CNTNAP2: variants seen among roughly 807,000 people sequenced by gnomAD.
CNTNAP2 encodes contactin associated protein 2, also known as contactin-associated protein-like 2.
In CNTNAP2, 98 loss-of-function variants were observed where a neutral mutation model predicts 155.2. The ratio of observed to expected loss-of-function variants is 0.63; its 90% CI spans 0.54 to 0.75. The LOEUF is 0.75. CNTNAP2 is among the 30% of genes least tolerant of loss of function. The pLI is 0.00. For missense variants in CNTNAP2, 1,727 were observed against 1,688.1 expected, an observed-to-expected ratio of 1.02 and a Z score of -0.40; for synonymous variants, 651 against 631.2, an observed-to-expected ratio of 1.03 and a Z score of -0.47.
intron 11 of CNTNAP2, among the ~76,000 whole-genome samples, chr7:147,487,220 C>G (rs569811112): frequency 6.6e-5 from 10 of 152,034 alleles, no homozygotes; most frequent in African/African-American, 2.4e-4. Context: ...TATTCAAAAA[C>G]AAGAGGCAAA....
Position 148,118,127 on chromosome 7 carries a change from G to A in CNTNAP2, c.2393G>A (p.Trp798Ter). The change falls in exon 16 of 24, where the codon TGG (tryptophan) becomes TAG (stop). Residue 798 changes from tryptophan (W) to a stop codon, truncating the protein, a stop_gained. Coordinates refer to ENST00000361727, the MANE Select transcript of CNTNAP2 (RefSeq NM_014141.6). LOFTEE classifies it high-confidence loss of function. ...PLRCQGDRNY[W>*]NAASFPNPSS... ...TGTTTTCTTCCCACAGGGAATTATT[G>A]GAATGCCGCCTCTTTCCCAAACCCA... 1 of 1,613,994 alleles carries A rather than the reference G, an allele frequency of 6.2e-7. No individual in the cohort carries two copies. The highest frequency in any genetic ancestry group is 8.5e-7 in the Non-Finnish European group (1 of 1,179,968).
At chr7:146,696,919 G>T (rs1159849959) in intron 1 of CNTNAP2, among the ~76,000 whole-genome samples, 2 of 152,068 alleles carry the variant, frequency 1.3e-5, no homozygotes, top group African/African-American at 2.4e-5. Context: ...GCTGTGTTTT[G>T]TGACCTAGAA....
intron 1 of CNTNAP2, among the ~76,000 whole-genome samples, chr7:146,395,038 T>C (rs1795599843): frequency 6.6e-6 from 1 of 151,984 alleles, no homozygotes; most frequent in South Asian, 2.1e-4. Flanking sequence ...TGATCTCCAG[T>C]TCCATCTGTG....
chr7:147,797,929 C>T (rs1194514037), intron 13 of CNTNAP2, among the ~76,000 whole-genome samples: 1 of 152,146 alleles, frequency 6.6e-6, no homozygotes, highest in Non-Finnish European at 1.5e-5. Flanking sequence ...TTTAAATCTT[C>T]AGTATCAATA....
At chr7:146,482,471 A>T (rs1208517110) in intron 1 of CNTNAP2, among the ~76,000 whole-genome samples, 1 of 151,916 alleles carries the variant, frequency 6.6e-6, no homozygotes, top group African/African-American at 2.4e-5. Flanking sequence ...TAGGTTGGTC[A>T]CAGTGGCTCA....
At chr7:147,529,957 A>G (rs1427487393) in intron 11 of CNTNAP2, among the ~76,000 whole-genome samples, 2 of 152,188 alleles carry the variant, frequency 1.3e-5, no homozygotes, top group Non-Finnish European at 2.9e-5. Flanking sequence ...ATTAGTGTTT[A>G]TTTATTCAAG....
intron 13 of CNTNAP2, among the ~76,000 whole-genome samples, chr7:147,852,162 A>G (rs1167842369): frequency 2.0e-5 from 3 of 152,206 alleles, no homozygotes; most frequent in African/African-American, 7.2e-5. Context: ...CGAACACTTT[A>G]CAACATGAAT....
At chr7:148,152,934 T>A (rs1029592817) in intron 17 of CNTNAP2, among the ~76,000 whole-genome samples, 3 of 135,782 alleles carry the variant, frequency 2.2e-5, no homozygotes, top group Non-Finnish European at 4.6e-5. Flanking sequence ...GGCAGAAGAA[T>A]GGCATGAACC....
intron 18 of CNTNAP2, among the ~76,000 whole-genome samples, chr7:148,193,644 A>C (rs1392014919): frequency 2.0e-5 from 3 of 151,876 alleles, no homozygotes; most frequent in Non-Finnish European, 2.9e-5. Context: ...CTCCTCCTCT[A>C]TGGTGCTTTC....
chr7:148,341,617 G>A (rs990939477), intron 21 of CNTNAP2, among the ~76,000 whole-genome samples: 2 of 152,150 alleles, frequency 1.3e-5, no homozygotes, highest in African/African-American at 4.8e-5. Context: ...GCAGAAGCCA[G>A]GTTGGTCTGA....
At chr7:147,411,874 C>T (rs770690934) in intron 10 of CNTNAP2, among the ~76,000 whole-genome samples, 57 of 152,172 alleles carry the variant, frequency 3.7e-4, no homozygotes, top group Non-Finnish European at 6.6e-4. Flanking sequence ...ACTCTCTGCC[C>T]AGTTGATGTT....
intron 13 of CNTNAP2, among the ~76,000 whole-genome samples, chr7:147,854,472 C>T (rs1799002597): frequency 6.6e-6 from 1 of 152,040 alleles, no homozygotes; most frequent in Admixed American, 6.6e-5. Context: ...CCCTTCAAAC[C>T]CTACTTTTTG....
intron 9 of CNTNAP2, among the ~76,000 whole-genome samples, chr7:147,305,076 G>A: frequency 6.6e-6 from 1 of 152,102 alleles, no homozygotes; most frequent in Admixed American, 6.5e-5. Flanking sequence ...GCCCCCAAAG[G>A]CCCCACTCCT....
At chr7:147,701,443 T>A (rs1034974066) in intron 13 of CNTNAP2, among the ~76,000 whole-genome samples, 5 of 152,156 alleles carry the variant, frequency 3.3e-5, no homozygotes, top group African/African-American at 1.2e-4. Context: ...TAAAAATAAG[T>A]CAACTGCTAA....
chr7:148,094,736 C>G (rs531785399), intron 15 of CNTNAP2, among the ~76,000 whole-genome samples: 9 of 152,282 alleles, frequency 5.9e-5, no homozygotes, highest in African/African-American at 1.4e-4. Context: ...ACAAGAGAAG[C>G]CACTCTTGGC....
intron 10 of CNTNAP2, among the ~76,000 whole-genome samples, chr7:147,483,370 G>T (rs1432689265): frequency 6.6e-6 from 1 of 152,002 alleles, no homozygotes; most frequent in Non-Finnish European, 1.5e-5. Context: ...GGTGGGTGGG[G>T]ATTGGTGTGG....
intron 8 of CNTNAP2, among the ~76,000 whole-genome samples, chr7:147,148,126 C>G (rs1263199318): frequency 6.6e-6 from 1 of 151,856 alleles, no homozygotes; most frequent in African/African-American, 2.4e-5. Context: ...CGCGGTGGCT[C>G]ACGCCTGTAA....
At chr7:147,137,913 ATAGG>A (rs75636257) in intron 8 of CNTNAP2, among the ~76,000 whole-genome samples, 28,955 of 110,946 alleles carry the variant, frequency 0.26, 3,060 homozygotes, top group South Asian at 0.42. Context: ...AGATAGATAG[ATAGG>A]TAGATAGATA....
intron 8 of CNTNAP2, among the ~76,000 whole-genome samples, chr7:147,180,491 A>G (rs1440262034): frequency 1.3e-5 from 2 of 152,136 alleles, no homozygotes; most frequent in Non-Finnish European, 2.9e-5. Flanking sequence ...TTACCAACTT[A>G]AAATAGGAGA....
Sources: gnomAD v4.1 joint callset for allele counts (sites outside exome capture counted in the v4.1 genomes callset) on GRCh38, gnomAD v4.1.1 for gene constraint, MANE v1.5 for transcripts, NCBI Gene and HGNC (gene_info 2026-07-23, HGNC 2026-07-21) for gene names.